Variants in PIK3R6 observed in about 807,000 individuals in gnomAD.
PIK3R6 encodes phosphoinositide 3-kinase regulatory subunit 6.
Under a neutral mutation model 84.9 loss-of-function variants are expected in PIK3R6, and 91 were observed. That is an observed-to-expected ratio of 1.07 (90% CI 0.90 to 1.28). PIK3R6 has a LOEUF of 1.28. Among genes scored for constraint, PIK3R6 ranks in the 50% most tolerant of loss-of-function variants. PIK3R6 has a pLI of 0.00. For synonymous variants in PIK3R6, 416 were observed against 411.4 expected (o/e 1.01, Z -0.13); for missense variants, 996 against 985.1 (o/e 1.01, Z -0.15).
In PIK3R6 at chr17:8,823,423, G is replaced by A; in HGVS notation, c.1590C>T (p.Gly530=). 1 of 1,567,550 alleles carries A rather than the reference G, an allele frequency of 6.4e-7. No individual in the cohort carries two copies. Among genetic ancestry groups the A allele is most frequent in the Non-Finnish European group, 8.6e-7 (1 of 1,157,350 alleles). ...LDVITYYIRM[G]TQPIYFQIYT... is the part of the protein sequence containing the mutation. ...AGATCTGGAAATAGATGGGTTGGGT[G>A]CCCATGCGGATGTAGTAGGTGATGA... is the stretch of plus-strand genomic sequence containing the variant. Residue 530 remains glycine, a synonymous_variant, in exon 14 of 20, where the codon GGC becomes GGT. Coordinates refer to ENST00000619866, the MANE Select transcript of PIK3R6 (RefSeq NM_001010855.4).
chr17:8,838,165 G>A (rs961253811), intron 4 of PIK3R6: 2 of 493,916 alleles, frequency 4.0e-6, no homozygotes, highest in South Asian at 4.6e-5. Context: ...CCTCAGCTCG[G>A]AGCCTCCCTT....
rs1196271381 is a variant in PIK3R6 at position 8,822,630 on chromosome 17, A to T, written c.1745T>A (p.Val582Glu). ...KDGFSPRRRG[V>E]AEGPGAELSL... ...GAGCTCTGCCCCTGGGCCCTCAGCC[A>T]CGCCTCTCCTCCTGGGTGAAAAGCC... is the stretch of plus-strand genomic sequence containing the variant. The change falls in exon 16 of 20, where the codon GTG becomes GAG. Residue 582 changes from valine to glutamate, a missense_variant. Val to Glu is a moderately radical substitution (Grantham distance 121). Transcript: ENST00000619866. 1 of 1,614,000 alleles carries T rather than the reference A, an allele frequency of 6.2e-7. No individual in the cohort carries two copies. Among genetic ancestry groups the T allele is most frequent in the Non-Finnish European group, 8.5e-7 (1 of 1,179,874 alleles).
chr17:8,803,189 G>A lies in PIK3R6; in HGVS notation c.*84C>T, dbSNP rs952688542. 4.8e-5 allele frequency: 75 copies of A among 1,553,520 alleles called. No individual in the cohort carries two copies. The highest frequency in any genetic ancestry group is 3.7e-4 in the Admixed American group (21 of 57,152). On this transcript the variant is annotated 3_prime_UTR_variant, in exon 20 of 20. Coordinates refer to ENST00000619866, the MANE Select transcript of PIK3R6 (RefSeq NM_001010855.4). The surrounding 1 kb of genome is among the most constrained non-coding windows in gnomAD (Gnocchi z 5.0). ...AAGGCCAAAGCTGCCGTGTGGAGCC[G>A]GGCCTTGCTCTGGCTGTTGGTGTGA...
chr17:8,829,618 G>T (rs1050221739), intron 10 of PIK3R6, 88 bp downstream of exon 10: 3 of 1,261,650 alleles, frequency 2.4e-6, no homozygotes, highest in African/African-American at 1.8e-5. Flanking sequence ...ACTGACACAC[G>T]CATGCACACT....
rs2087953547 is a variant in PIK3R6 at position 8,827,297 on chromosome 17, G to C, written c.1393-3C>G. 3.9e-6 allele frequency: 6 copies of C among 1,551,490 alleles called. No individual in the cohort carries two copies. Among genetic ancestry groups the C allele is most frequent in the Non-Finnish European group, 5.2e-6 (6 of 1,147,750 alleles). On this transcript the variant is annotated splice_polypyrimidine_tract_variant and splice_region_variant and intron_variant, in intron 12 of 19. Transcript: ENST00000619866. The stretch of plus-strand genomic sequence containing the variant: ...GGCTGCCTGGATGCTGCAGGCTTCT[G>C]GGGGAAAGGGGATGGGGCAGACCCG...
intron 18 of PIK3R6, among the ~76,000 whole-genome samples, chr17:8,812,063 G>A (rs937381898): frequency 6.6e-6 from 1 of 152,234 alleles, no homozygotes; most frequent in Non-Finnish European, 1.5e-5. Context: ...AAGGCAAGGA[G>A]GAGCAAGTCA....
intron 13 of PIK3R6, among the ~76,000 whole-genome samples, chr17:8,824,065 T>C (rs920187310): frequency 1.3e-5 from 2 of 152,052 alleles, no homozygotes; most frequent in African/African-American, 2.4e-5. Context: ...AGGTCAGGAG[T>C]TCGAGACCAG....
intron 8 of PIK3R6, among the ~76,000 whole-genome samples, chr17:8,834,026 G>A (rs1475444912): frequency 2.0e-5 from 3 of 151,528 alleles, no homozygotes; most frequent in South Asian, 4.2e-4. Flanking sequence ...TGTGGTGGCC[G>A]GCGCCTGTAG....
chr17:8,866,797 C>T (rs1393915379), intron 1 of PIK3R6, among the ~76,000 whole-genome samples: 2 of 152,116 alleles, frequency 1.3e-5, no homozygotes, highest in African/African-American at 4.8e-5. Flanking sequence ...CACACACCTC[C>T]TGGCTCGCTG....
intron 14 of PIK3R6, 32 bp downstream of exon 14, chr17:8,823,355 G>A: frequency 6.7e-7 from 1 of 1,487,294 alleles, no homozygotes; most frequent in Non-Finnish European, 9.3e-7. Flanking sequence ...TGGGGTCCTG[G>A]GGTCCCTTGG....
chr17:8,828,175 C>T lies in PIK3R6; in HGVS notation c.1329G>A (p.Gln443=). The T allele has an allele frequency of 6.2e-7, 1 of 1,613,990 alleles. No individual in the cohort carries two copies. Among genetic ancestry groups the T allele is most frequent in the Non-Finnish European group, 8.5e-7 (1 of 1,179,862 alleles). Residue 443 remains glutamine, a synonymous_variant, in exon 12 of 20, where the codon CAG becomes CAA. Transcript: ENST00000619866. ...AYHRLRKRET[Q]KFCLTPRLSL... is the part of the protein sequence containing the mutation. ...TGAGTCTGGGAGTGAGGCAGAACTTCTGGGTCTCCCGTTTCCTAGCAATGG... is the reference window on the plus strand; with the variant it reads ...TGAGTCTGGGAGTGAGGCAGAACTTTTGGGTCTCCCGTTTCCTAGCAATGG...
chr17:8,862,658 T>C lies in PIK3R6; in HGVS notation c.-92+4871A>G, dbSNP rs2089310377. ...GCCACAAGGGCAATGTGCAAGGTAC[T>C]GACCAATCAAACATGCCATGAGCAT... On this transcript the variant is annotated intron_variant, in intron 1 of 19. Coordinates refer to ENST00000619866, the MANE Select transcript of PIK3R6 (RefSeq NM_001010855.4). This position sits in a 1 kb window ranked among gnomAD's most constrained non-coding sequence, Gnocchi z 4.3. 6.6e-6 allele frequency among the ~76,000 whole-genome samples: 1 copy of C among 152,186 alleles called. No individual in the cohort carries two copies. The highest frequency in any genetic ancestry group is 3.2e-3 in the Middle Eastern group (1 of 316).
intron 18 of PIK3R6, among the ~76,000 whole-genome samples, chr17:8,809,062 C>T (rs1459101554): frequency 6.6e-6 from 1 of 152,096 alleles, no homozygotes; most frequent in Non-Finnish European, 1.5e-5. Context: ...CATATTTTGT[C>T]TAATTGCCTA....
chr17:8,845,172 T>TG lies in PIK3R6; in HGVS notation c.13+4609dup, dbSNP rs201014750. 1.3e-3 allele frequency among the ~76,000 whole-genome samples: 204 copies of TG among 152,320 alleles called. 1 individual carries two copies. The East Asian group carries it at 0.028, about 21-fold the overall frequency. On this transcript the variant is annotated intron_variant, in intron 2 of 19. Transcript: ENST00000619866. The stretch of plus-strand genomic sequence containing the variant: ...TCTTTTTGATAGAATGATTTGTTTT[T>TG]GGGGGGATATATACCCAGTAGTGGG...
At chr17:8,823,357 G>C in intron 14 of PIK3R6, 30 bp downstream of exon 14, 1 of 1,496,712 alleles carries the variant, frequency 6.7e-7, no homozygotes, top group Non-Finnish European at 9.3e-7. Flanking sequence ...GGGTCCTGGG[G>C]TCCCTTGGAG....
rs1394751412 is a variant in PIK3R6, at chr17:8,835,414, C to T, written c.504G>A (p.Val168=). ...FVDPELVSAS[V]CSALLLEIEA... ...CGATCTCCAGTAGCAGAGCACTGCA[C>T]ACAGACGCAGACACCAGCTCAGGAT... is the stretch of plus-strand genomic sequence containing the variant. The change falls in exon 8 of 20, where the codon GTG becomes GTA. Residue 168 remains valine (V), a synonymous_variant. Transcript: ENST00000619866. The T allele has an allele frequency of 6.2e-7, 1 of 1,604,570 alleles. No individual in the cohort carries two copies. The highest frequency in any genetic ancestry group is 2.2e-5 in the East Asian group (1 of 44,656).
chr17:8,836,643 C>T, intron 6 of PIK3R6, 27 bp from the exon 7 acceptor site: 2 of 1,613,910 alleles, frequency 1.2e-6, no homozygotes, highest in Non-Finnish European at 1.7e-6. Context: ...TTTGGCCAAA[C>T]AGCCCCCAAG....
At chr17:8,815,203 G>A (rs2087492061) in intron 18 of PIK3R6, among the ~76,000 whole-genome samples, 1 of 152,116 alleles carries the variant, frequency 6.6e-6, no homozygotes, top group African/African-American at 2.4e-5. Context: ...AAACAAACAT[G>A]TATTTTTAGT....
intron 2 of PIK3R6, among the ~76,000 whole-genome samples, chr17:8,847,498 A>G (rs2088839873): frequency 2.0e-5 from 3 of 152,168 alleles, no homozygotes; most frequent in South Asian, 4.1e-4. Flanking sequence ...GGGAAGGTGG[A>G]GAGTGTTAAA....
Sources: allele counts gnomAD v4.1 joint callset (sites outside exome capture counted in the v4.1 genomes callset), GRCh38; gene constraint gnomAD v4.1.1; non-coding constraint Gnocchi (gnomAD v3.1); transcripts MANE v1.5; gene names NCBI Gene and HGNC (gene_info 2026-07-23, HGNC 2026-07-21).